RALYL: variants seen among roughly 807,000 people sequenced by gnomAD.
The protein encoded by RALYL is RALY RNA binding protein like, also known as RNA-binding Raly-like protein.
Under a neutral mutation model 35.1 loss-of-function variants are expected in RALYL, and 29 were observed. That is an observed-to-expected ratio of 0.83 (90% CI 0.61 to 1.13). The LOEUF is 1.13. Ranked by LOEUF, RALYL falls within the 50% of genes most tolerant of loss-of-function variation. The probability of loss-of-function intolerance (pLI) is 0.00; values close to 1 mark genes in which losing one functional copy is unlikely to be tolerated. For synonymous variants in RALYL, 120 were observed against 127.6 expected (o/e 0.94, Z 0.40); for missense variants, 359 against 360.4 (o/e 1.00, Z 0.03).
intron 2 of RALYL, among the ~76,000 whole-genome samples, chr8:84,611,121 A>G (rs1195395875): frequency 6.6e-6 from 1 of 152,076 alleles, no homozygotes; most frequent in African/African-American, 2.4e-5. Context: ...TGGTGTTATT[A>G]TTATCACAGT....
intron 1 of RALYL, among the ~76,000 whole-genome samples, chr8:84,503,200 T>G: frequency 6.6e-6 from 1 of 152,028 alleles, no homozygotes; most frequent in South Asian, 2.1e-4. Flanking sequence ...CAAGCTAGAG[T>G]GCAGTGGTAG....
At chr8:84,302,827 C>G (rs1841068272) in intron 1 of RALYL, among the ~76,000 whole-genome samples, 1 of 152,150 alleles carries the variant, frequency 6.6e-6, no homozygotes, top group Non-Finnish European at 1.5e-5. Flanking sequence ...TTTATAAGGT[C>G]TCTCCAATTA....
At chr8:84,774,522 T>C (rs1816358748) in intron 2 of RALYL, 57 bp from the exon 3 acceptor site, 2 of 1,126,612 alleles carry the variant, frequency 1.8e-6, no homozygotes, top group Admixed American at 4.9e-5. Flanking sequence ...CATGATTTAC[T>C]TTTCTCAGAT....
At chr8:84,241,777 CA>C (rs35007112) in intron 1 of RALYL, among the ~76,000 whole-genome samples, 62,988 of 110,718 alleles carry the variant, frequency 0.57, 14,536 homozygotes, top group South Asian at 0.64. Context: ...GACTGTGTCT[CA>C]AAAAAAAAAA....
intron 2 of RALYL, among the ~76,000 whole-genome samples, chr8:84,634,911 G>A (rs1824712854): frequency 6.6e-6 from 1 of 151,738 alleles, no homozygotes; most frequent in Admixed American, 6.6e-5. Flanking sequence ...CATTTATTGA[G>A]TTGAAGCCTT....
intron 1 of RALYL, among the ~76,000 whole-genome samples, chr8:84,298,645 G>C (rs183313795): frequency 6.6e-6 from 1 of 152,064 alleles, no homozygotes; most frequent in Admixed American, 6.6e-5. Context: ...GTTGCTTTGG[G>C]CAGTATGTCC....
At chr8:84,813,139 A>G (rs1826302198) in intron 4 of RALYL, among the ~76,000 whole-genome samples, 1 of 152,162 alleles carries the variant, frequency 6.6e-6, no homozygotes, top group South Asian at 2.1e-4. Flanking sequence ...AAATTGACTC[A>G]GCTCCAGATA....
chr8:84,418,664 T>G (rs1225233261), intron 1 of RALYL, among the ~76,000 whole-genome samples: 1 of 152,134 alleles, frequency 6.6e-6, no homozygotes, highest in African/African-American at 2.4e-5. Flanking sequence ...ATCATTCCAT[T>G]GTTAGAATGC....
intron 1 of RALYL, among the ~76,000 whole-genome samples, chr8:84,298,541 CT>C (rs1296579598): frequency 2.0e-5 from 3 of 151,974 alleles, no homozygotes; most frequent in African/African-American, 7.2e-5. Context: ...TATTTGGGCT[CT>C]TTTTTGGTCT....
intron 1 of RALYL, among the ~76,000 whole-genome samples, chr8:84,393,119 T>C (rs978661029): frequency 6.6e-6 from 1 of 152,090 alleles, no homozygotes; most frequent in African/African-American, 2.4e-5. Context: ...TTATCATCTG[T>C]GAGTCAGGTG....
chr8:84,659,801 A>G (rs1329290972), intron 2 of RALYL, among the ~76,000 whole-genome samples: 1 of 152,206 alleles, frequency 6.6e-6, no homozygotes, highest in African/African-American at 2.4e-5. Context: ...AAGGCTATAA[A>G]TGAATGCATA....
At chr8:84,332,143 C>A (rs1846934760) in intron 1 of RALYL, among the ~76,000 whole-genome samples, 1 of 152,026 alleles carries the variant, frequency 6.6e-6, no homozygotes, top group African/African-American at 2.4e-5. Context: ...AAATAATGCT[C>A]TTTTTCTTGT....
intron 2 of RALYL, among the ~76,000 whole-genome samples, chr8:84,683,654 G>T (rs1217677244): frequency 6.6e-6 from 1 of 151,956 alleles, no homozygotes; most frequent in Non-Finnish European, 1.5e-5. Context: ...TAGAAGCTAG[G>T]TTTTTTTGTT....
At chr8:84,258,848 C>A (rs1831687232) in intron 1 of RALYL, among the ~76,000 whole-genome samples, 1 of 152,108 alleles carries the variant, frequency 6.6e-6, no homozygotes, top group South Asian at 2.1e-4. Context: ...TCTAGAGATA[C>A]CTCCTCTGTG....
chr8:84,673,804 G>A (rs1833704712), intron 2 of RALYL, among the ~76,000 whole-genome samples: 1 of 152,116 alleles, frequency 6.6e-6, no homozygotes, highest in African/African-American at 2.4e-5. Context: ...TTTGAAGTTG[G>A]GTAGTGCAAC....
intron 2 of RALYL, among the ~76,000 whole-genome samples, chr8:84,708,914 G>A (rs937005392): frequency 2.6e-5 from 4 of 152,156 alleles, no homozygotes; most frequent in African/African-American, 9.7e-5. Context: ...CAATACCTGT[G>A]CCATGGCAAA....
intron 8 of RALYL, among the ~76,000 whole-genome samples, chr8:84,899,597 A>G (rs1251364756): frequency 6.6e-6 from 1 of 152,202 alleles, no homozygotes; most frequent in African/African-American, 2.4e-5. Context: ...AGTTTTCATT[A>G]TAGCTTAATC....
At chr8:84,782,896 G>T (rs559420601) in intron 3 of RALYL, among the ~76,000 whole-genome samples, 3 of 152,268 alleles carry the variant, frequency 2.0e-5, no homozygotes, top group Non-Finnish European at 4.4e-5. Context: ...TATTTTATGG[G>T]TATTGTTCAT....
intron 2 of RALYL, among the ~76,000 whole-genome samples, chr8:84,548,512 T>C (rs930854116): frequency 6.6e-6 from 1 of 152,210 alleles, no homozygotes; most frequent in Non-Finnish European, 1.5e-5. Context: ...GTCATCTGTA[T>C]GGATGTATTT....
Sources: gnomAD v4.1 joint callset for allele counts (sites outside exome capture counted in the v4.1 genomes callset) on GRCh38, gnomAD v4.1.1 for gene constraint, MANE v1.5 for transcripts, NCBI Gene and HGNC (gene_info 2026-07-23, HGNC 2026-07-21) for gene names.